Variants in LRBA observed in about 807,000 individuals in gnomAD.
LRBA encodes the protein LPS responsive beige-like anchor protein.
LRBA carries 176 observed loss-of-function variants against 330.0 expected under a neutral mutation model. The ratio of observed to expected loss-of-function variants is 0.53; its 90% CI spans 0.47 to 0.60. The LOEUF (loss-of-function observed/expected upper bound fraction) is 0.60, where lower values mean the gene tolerates loss of function less well. Among genes scored for constraint, LRBA ranks in the 20% least tolerant of loss-of-function variants. LRBA has a pLI of 0.00. For missense variants in LRBA, 3,259 were observed against 3,444.8 expected (o/e 0.95, Z 1.35); for synonymous variants, 1,230 against 1,193.0 (o/e 1.03, Z -0.64).
intron 40 of LRBA, among the ~76,000 whole-genome samples, chr4:150,495,765 A>G (rs1370994162): frequency 6.6e-6 from 1 of 152,150 alleles, no homozygotes; most frequent in Admixed American, 6.5e-5. Flanking sequence ...TGTTCACTGA[A>G]ACTCTACATA....
At chr4:150,284,444 CAA>C (rs759159244) in intron 54 of LRBA, among the ~76,000 whole-genome samples, 20 of 152,166 alleles carry the variant, frequency 1.3e-4, no homozygotes, top group Non-Finnish European at 2.5e-4. Flanking sequence ...ATCAATGTAT[CAA>C]ATGTTTTAAA....
chr4:150,465,440 T>C (rs1038206070), intron 44 of LRBA, among the ~76,000 whole-genome samples: 2 of 152,094 alleles, frequency 1.3e-5, no homozygotes, highest in Non-Finnish European at 2.9e-5. Flanking sequence ...ACCATACTGT[T>C]TGACATATAA....
intron 2 of LRBA, among the ~76,000 whole-genome samples, chr4:150,992,546 A>G (rs1410971420): frequency 6.6e-6 from 1 of 152,204 alleles, no homozygotes; most frequent in East Asian, 1.9e-4. Flanking sequence ...AAATATATGG[A>G]GGTATAGAAT....
At chr4:150,814,311 T>C (rs1032642034) in intron 31 of LRBA, among the ~76,000 whole-genome samples, 16 of 151,940 alleles carry the variant, frequency 1.1e-4, no homozygotes, top group African/African-American at 3.4e-4. Flanking sequence ...GTAGTTTCCA[T>C]GTGAAAATGA....
intron 46 of LRBA, among the ~76,000 whole-genome samples, chr4:150,418,914 A>C (rs1222256478): frequency 6.6e-6 from 1 of 152,080 alleles, no homozygotes; most frequent in Non-Finnish European, 1.5e-5. Context: ...ACAGGCATAA[A>C]TTTTTTCCAA....
chr4:150,279,794 C>T (rs1040970886), intron 55 of LRBA, among the ~76,000 whole-genome samples: 29 of 152,188 alleles, frequency 1.9e-4, no homozygotes, highest in African/African-American at 5.5e-4. Context: ...ATCCTTTTCC[C>T]CCACTCATTT....
chr4:150,586,013 C>G (rs1772070752), intron 40 of LRBA, among the ~76,000 whole-genome samples: 1 of 152,136 alleles, frequency 6.6e-6, no homozygotes, highest in South Asian at 2.1e-4. Flanking sequence ...TCCACTCTTT[C>G]AACTCAACCT....
intron 37 of LRBA, among the ~76,000 whole-genome samples, chr4:150,627,789 C>A (rs143455104): frequency 6.6e-6 from 1 of 152,038 alleles, no homozygotes; most frequent in African/African-American, 2.4e-5. Context: ...ACTGGAATGT[C>A]TTTTTTGCCC....
At chr4:150,308,012 ATAAAC>A (rs1730580783) in intron 52 of LRBA, among the ~76,000 whole-genome samples, 1 of 152,232 alleles carries the variant, frequency 6.6e-6, no homozygotes, top group African/African-American at 2.4e-5. Context: ...TAATTGTTCT[ATAAAC>A]TATATTAAGG....
chr4:150,286,096 A>G, intron 53 of LRBA, 62 bp from the exon 54 acceptor site: 1 of 1,143,336 alleles, frequency 8.7e-7, no homozygotes, highest in Non-Finnish European at 1.3e-6. Context: ...TAAATAATCA[A>G]CAACTTGCTC....
chr4:150,526,709 G>A (rs888933549), intron 40 of LRBA, among the ~76,000 whole-genome samples: 3 of 151,924 alleles, frequency 2.0e-5, no homozygotes, highest in African/African-American at 4.8e-5. Flanking sequence ...CTTTCCTTTT[G>A]GAATATTTTA....
At chr4:150,926,998 G>A (rs1733947077) in intron 4 of LRBA, among the ~76,000 whole-genome samples, 1 of 151,776 alleles carries the variant, frequency 6.6e-6, no homozygotes, top group Non-Finnish European at 1.5e-5. Context: ...TTGAACCCAG[G>A]AGGTGGAGGT....
At chr4:150,447,174 GA>G (rs896716991) in intron 44 of LRBA, among the ~76,000 whole-genome samples, 3 of 151,844 alleles carry the variant, frequency 2.0e-5, no homozygotes, top group East Asian at 1.9e-4. Flanking sequence ...TTATCAACTG[GA>G]AAAAAAATAA....
chr4:150,977,297 A>G (rs1740293273), intron 2 of LRBA, among the ~76,000 whole-genome samples: 1 of 152,168 alleles, frequency 6.6e-6, no homozygotes, highest in Non-Finnish European at 1.5e-5. Context: ...ATCGAATAGG[A>G]AACCAGGCAG....
intron 16 of LRBA, among the ~76,000 whole-genome samples, chr4:150,895,218 C>A (rs1007483895): frequency 3.3e-5 from 5 of 151,998 alleles, no homozygotes; most frequent in African/African-American, 1.2e-4. Context: ...TTGCAACTGA[C>A]ATATATTGCA....
At chr4:150,889,944 G>A (rs905408389) in intron 17 of LRBA, among the ~76,000 whole-genome samples, 2 of 152,054 alleles carry the variant, frequency 1.3e-5, no homozygotes, top group African/African-American at 4.8e-5. Flanking sequence ...AATCATTATA[G>A]AAGAGTCAGC....
chr4:150,829,920 TACCTTGTA>T (rs796611817), intron 29 of LRBA, among the ~76,000 whole-genome samples: 4 of 152,352 alleles, frequency 2.6e-5, no homozygotes, highest in African/African-American at 9.6e-5. Context: ...TACTCCACTG[TACCTTGTA>T]ATCATTTTTG....
At position 150,394,642 on chromosome 4, in the gene LRBA, A is replaced by G. The variant is rs190009916; in HGVS notation, c.7194+20796T>C. Among the ~76,000 whole-genome samples, 3 of 152,348 alleles carry G rather than the reference A, an allele frequency of 2.0e-5. No homozygotes were observed. In the East Asian group the frequency reaches 5.8e-4, roughly 29 times the overall value. On this transcript the variant is annotated intron_variant, in intron 47 of 56. Transcript: ENST00000651943. ...ATGGCTATTGTCTTTACATATCAGG[A>G]CTAAAGTGAGATTTAATTTGCTTTG...
At chr4:150,529,766 TA>T (rs1763866119) in intron 40 of LRBA, among the ~76,000 whole-genome samples, 1 of 151,248 alleles carries the variant, frequency 6.6e-6, no homozygotes, top group Non-Finnish European at 1.5e-5. Flanking sequence ...TAAGACAAAG[TA>T]GACTGTAACA....
Sources: allele counts gnomAD v4.1 joint callset (sites outside exome capture counted in the v4.1 genomes callset), GRCh38; gene constraint gnomAD v4.1.1; transcripts MANE v1.5; gene names NCBI Gene and HGNC (gene_info 2026-07-23, HGNC 2026-07-21).